Variants in RPA1 observed in about 807,000 individuals in gnomAD.
RPA1 encodes replication protein A1.
RPA1 carries 49 observed loss-of-function variants against 83.0 expected under a neutral mutation model. That is an observed-to-expected ratio of 0.59 (90% CI 0.47 to 0.75). The LOEUF (loss-of-function observed/expected upper bound fraction) is 0.75, where lower values mean the gene tolerates loss of function less well. Ranked by LOEUF, RPA1 falls within the 30% of genes least tolerant of loss-of-function variation. The probability of loss-of-function intolerance (pLI) is 0.00; values close to 1 mark genes in which losing one functional copy is unlikely to be tolerated. For missense variants in RPA1, 693 were observed against 776.1 expected (o/e 0.89, Z 1.27); for synonymous variants, 279 against 281.8 (o/e 0.99, Z 0.10).
rs548553963 is a variant in RPA1 at position 1,830,073 on chromosome 17, G to A, written c.-21G>A. The A allele has an allele frequency of 5.0e-5, 62 of 1,249,680 alleles. No homozygotes were observed. The African/African-American group carries it at 8.0e-4, about 16-fold the overall frequency. 77.4% of individuals were successfully genotyped at this position (1,249,680 alleles called of 1,614,324 possible). A position where few individuals can be genotyped will look rare whatever the true frequency, so the allele number is the denominator to read the frequency against. ...GCTGGAGCTGTTGCGGGGTCCGCGG[G>A]GAAGTCTTGGCGGTGGAGCCATGGT... On this transcript the variant is annotated 5_prime_UTR_variant, in exon 1 of 17. Transcript: ENST00000254719.
intron 16 of RPA1, among the ~76,000 whole-genome samples, chr17:1,895,893 A>G (rs1914401568): frequency 6.6e-6 from 1 of 151,994 alleles, no homozygotes; most frequent in African/African-American, 2.4e-5. Context: ...CATGTTGGCC[A>G]GGCTGGTCTC....
intron 7 of RPA1, 115 bp downstream of exon 7, chr17:1,875,908 A>T: frequency 2.0e-6 from 2 of 978,458 alleles, no homozygotes; most frequent in Non-Finnish European, 2.8e-6. Context: ...ACCACCAAAT[A>T]GAATGGGTTT....
In RPA1 at chr17:1,895,041, T is replaced by A. The variant is rs1228063146; in HGVS notation, c.1692T>A (p.Asn564Lys). Residue 564 changes from asparagine to lysine, a missense_variant, in exon 16 of 17, where the codon AAT becomes AAA. Physicochemically the swap from Asn to Lys is moderately conservative, Grantham distance 94. Transcript: ENST00000254719. Reference protein sequence around the residue: ...NEQAFEEVFQNANFRSFIFRV... With the variant: ...NEQAFEEVFQKANFRSFIFRV... ...AGGCATTTGAAGAAGTTTTCCAGAA[T>A]GCCAACTTCCGATCTTTCATATTCA... 1 of 1,613,552 alleles carries A rather than the reference T, an allele frequency of 6.2e-7. No homozygotes were observed. The highest frequency in any genetic ancestry group is 2.2e-5 in the East Asian group (1 of 44,834).
Position 1,897,355 on chromosome 17 carries a change from C to A in RPA1, c.*180C>A. On this transcript the variant is annotated 3_prime_UTR_variant, in exon 17 of 17. Coordinates refer to ENST00000254719, the MANE Select transcript of RPA1 (RefSeq NM_002945.5). ...ATCGGTAGGCAAAGGAAAATACGCT[C>A]AGGTGGTTGTGGTGTAGACTGTGTC... The A allele has an allele frequency of 1.7e-6, 1 of 577,494 alleles. No individual in the cohort carries two copies. The highest frequency in any genetic ancestry group is 3.1e-6 in the Non-Finnish European group (1 of 326,370). 35.8% of individuals were successfully genotyped at this position (577,494 alleles called of 1,614,324 possible). A position where few individuals can be genotyped will look rare whatever the true frequency, so the allele number is the denominator to read the frequency against.
chr17:1,895,769 G>A (rs1359967111), intron 16 of RPA1, among the ~76,000 whole-genome samples: 1 of 151,588 alleles, frequency 6.6e-6, no homozygotes, highest in Non-Finnish European at 1.5e-5. Flanking sequence ...CACAACCTCC[G>A]CCTCCCGGGT....
chr17:1,854,856 T>C (rs534402265), intron 5 of RPA1, among the ~76,000 whole-genome samples: 129 of 152,164 alleles, frequency 8.5e-4, no homozygotes, highest in African/African-American at 3.0e-3. Flanking sequence ...TGGAGAAAAA[T>C]AGATGGTTCA....
Position 1,898,320 on chromosome 17 carries a change from A to C in RPA1, c.*1145A>C, listed in dbSNP as rs971662000. 3.3e-5 allele frequency: 5 copies of C among 152,236 alleles called. No individual in the cohort carries two copies. Among genetic ancestry groups the C allele is most frequent in the African/African-American group, 1.2e-4 (5 of 41,448 alleles). 9.4% of individuals were successfully genotyped at this position (152,236 alleles called of 1,614,324 possible). On this transcript the variant is annotated 3_prime_UTR_variant, in exon 17 of 17. Transcript: ENST00000254719. ...GGCACTTGGGATTTTATTGATGTTT[A>C]CGCAGCAGTCTAACACCAACCACGC...
Position 1,883,801 on chromosome 17 carries a change from C to T in RPA1, c.1242-11C>T, listed in dbSNP as rs778427235. On this transcript the variant is annotated splice_polypyrimidine_tract_variant and intron_variant, in intron 12 of 16. Coordinates refer to ENST00000254719, the MANE Select transcript of RPA1 (RefSeq NM_002945.5). ...CAAGCGCTCGTCATCGTTATTCGTT[C>T]ACGTTTTCAGGTTTGACGCAGAAGG... is the stretch of plus-strand genomic sequence containing the variant. 6.8e-6 allele frequency: 11 copies of T among 1,613,976 alleles called. No homozygotes were observed. The highest frequency in any genetic ancestry group is 9.3e-6 in the Non-Finnish European group (11 of 1,179,884).
chr17:1,859,178 C>T (rs1411888281), intron 5 of RPA1, among the ~76,000 whole-genome samples: 1 of 152,150 alleles, frequency 6.6e-6, no homozygotes, highest in African/African-American at 2.4e-5. Flanking sequence ...GCTGGGATTA[C>T]AGGAGTGACC....
intron 13 of RPA1, among the ~76,000 whole-genome samples, chr17:1,885,042 C>T (rs1054167395): frequency 1.3e-5 from 2 of 152,178 alleles, no homozygotes; most frequent in Admixed American, 6.5e-5. Flanking sequence ...AAGCTTTCTC[C>T]ATAGCCGGCG....
At chr17:1,849,737 G>C (rs1290340246) in intron 4 of RPA1, among the ~76,000 whole-genome samples, 1 of 151,968 alleles carries the variant, frequency 6.6e-6, no homozygotes, top group African/African-American at 2.4e-5. Context: ...GTTCAATGCA[G>C]TGTTGATCGT....
intron 6 of RPA1, among the ~76,000 whole-genome samples, chr17:1,874,589 A>G (rs1286081100): frequency 6.6e-6 from 1 of 152,244 alleles, no homozygotes; most frequent in Non-Finnish European, 1.5e-5. Context: ...GAAGCTACCC[A>G]GCATGAAATA....
intron 13 of RPA1, among the ~76,000 whole-genome samples, chr17:1,886,705 C>CT (rs57659628): frequency 0.21 from 26,584 of 125,260 alleles, 3,523 homozygotes; most frequent in East Asian, 0.25. Context: ...TCTTCTGCAG[C>CT]TTTTTTTTTT....
At chr17:1,853,884 G>A (rs1912592315) in intron 5 of RPA1, among the ~76,000 whole-genome samples, 1 of 152,172 alleles carries the variant, frequency 6.6e-6, no homozygotes, top group Non-Finnish European at 1.5e-5. Flanking sequence ...CACTGCACTG[G>A]TAGCTTTTAG....
rs1429174983 is a variant in RPA1, at chr17:1,884,056, C to T, written c.1374+112C>T. 6.9e-6 allele frequency: 10 copies of T among 1,450,568 alleles called. No homozygotes were observed. The highest frequency in any genetic ancestry group is 8.5e-6 in the Non-Finnish European group (9 of 1,063,120). The allele number at this position is 1,450,568 out of a possible 1,614,324, so 89.9% of individuals were successfully genotyped here. ...TCAGAGCCGTAATTCTTACCCGGGG[C>T]TGTGACCTGAGCGTGGCATGGGGGT... On this transcript the variant is annotated intron_variant, in intron 13 of 16. Transcript: ENST00000254719. This position sits in a 1 kb window ranked among gnomAD's most constrained non-coding sequence, Gnocchi z 4.1.
chr17:1,883,751 G>A, intron 12 of RPA1, 61 bp from the exon 13 acceptor site: 1 of 1,606,098 alleles, frequency 6.2e-7, no homozygotes, highest in Non-Finnish European at 8.5e-7. Flanking sequence ...CAAGTTGCAT[G>A]TGGAGAAGCA....
chr17:1,871,069 T>C (rs1333651293), intron 5 of RPA1, among the ~76,000 whole-genome samples: 1 of 152,216 alleles, frequency 6.6e-6, no homozygotes, highest in Non-Finnish European at 1.5e-5. Flanking sequence ...AATTTTAGAC[T>C]GTTCCTTCAC....
At chr17:1,882,554 GC>G (rs1378477731) in intron 12 of RPA1, among the ~76,000 whole-genome samples, 1 of 152,106 alleles carries the variant, frequency 6.6e-6, no homozygotes, top group African/African-American at 2.4e-5. Context: ...TGTAGTCCCA[GC>G]TACTCGGGAG....
intron 16 of RPA1, among the ~76,000 whole-genome samples, chr17:1,896,601 C>T (rs887750322): frequency 6.6e-6 from 1 of 152,152 alleles, no homozygotes; most frequent in African/African-American, 2.4e-5. Flanking sequence ...TGAAGAGAGG[C>T]TGCCTCCCCA....
Sources: gnomAD v4.1 joint callset for allele counts (sites outside exome capture counted in the v4.1 genomes callset) on GRCh38, gnomAD v4.1.1 for gene constraint, Gnocchi (gnomAD v3.1) non-coding constraint, MANE v1.5 for transcripts, NCBI Gene and HGNC (gene_info 2026-07-23, HGNC 2026-07-21) for gene names.